CRYBG1: variants seen among roughly 807,000 people sequenced by gnomAD.
CRYBG1 encodes crystallin beta-gamma domain containing 1.
CRYBG1 carries 139 observed loss-of-function variants against 189.2 expected under a neutral mutation model. That is an observed-to-expected ratio of 0.73 (90% confidence interval 0.64 to 0.85). The LOEUF (loss-of-function observed/expected upper bound fraction) is 0.85. Ranked by LOEUF, CRYBG1 falls within the 40% of genes least tolerant of loss-of-function variation. The pLI is 0.00. For synonymous variants in CRYBG1, 1,023 were observed against 1,017.1 expected (o/e 1.01, Z -0.11); for missense variants, 2,611 against 2,675.8 (o/e 0.98, Z 0.53).
intron 8 of CRYBG1, among the ~76,000 whole-genome samples, chr6:106,530,884 G>A (rs887818479): frequency 6.6e-6 from 1 of 152,126 alleles, no homozygotes; most frequent in Non-Finnish European, 1.5e-5. Context: ...AAAGCCCCAA[G>A]GCATGTGAAA....
At chr6:106,489,803 A>AG (rs1344333385) in intron 2 of CRYBG1, among the ~76,000 whole-genome samples, 19 of 150,964 alleles carry the variant, frequency 1.3e-4, no homozygotes, top group African/African-American at 4.4e-4. Context: ...AAAAAAAAAA[A>AG]AAAAGAAAGA....
intron 1 of CRYBG1, among the ~76,000 whole-genome samples, chr6:106,393,382 G>T (rs550678760): frequency 4.2e-4 from 63 of 150,306 alleles, no homozygotes; most frequent in African/African-American, 1.4e-3. Flanking sequence ...ATCGTTAAAG[G>T]GTTGTAACGC....
chr6:106,385,078 AG>A (rs2114325785), intron 1 of CRYBG1, among the ~76,000 whole-genome samples: 1 of 152,274 alleles, frequency 6.6e-6, no homozygotes, highest in African/African-American at 2.4e-5. Flanking sequence ...CACACAAGTA[AG>A]CAAGTTTTGC....
At chr6:106,449,296 T>C (rs1771731964) in intron 1 of CRYBG1, 1 of 152,228 alleles carries the variant, frequency 6.6e-6, no homozygotes, top group African/African-American at 2.4e-5. Context: ...AATGGGCACA[T>C]ATGTTTTTCC....
chr6:106,561,246 C>T, intron 19 of CRYBG1, 96 bp from the exon 20 acceptor site: 1 of 1,317,658 alleles, frequency 7.6e-7, no homozygotes, highest in South Asian at 1.4e-5. Context: ...TACCCTTAAT[C>T]CATATCTCAC....
chr6:106,396,696 T>C (rs1055899218), intron 1 of CRYBG1, among the ~76,000 whole-genome samples: 17 of 152,194 alleles, frequency 1.1e-4, no homozygotes, highest in African/African-American at 3.6e-4. Flanking sequence ...TATTGAAACA[T>C]AGAAATTTGG....
At chr6:106,400,629 G>A (rs1397778708) in intron 1 of CRYBG1, among the ~76,000 whole-genome samples, 1 of 152,108 alleles carries the variant, frequency 6.6e-6, no homozygotes, top group Non-Finnish European at 1.5e-5. Context: ...AATCTTCATA[G>A]TATACAGAAT....
chr6:106,569,544 C>A lies in CRYBG1; in HGVS notation c.*978C>A, dbSNP rs377220139. On this transcript the variant is annotated 3_prime_UTR_variant, in exon 22 of 22. Transcript: ENST00000633556. ...AGCCAGGATTTGAATTATTTTAACT[C>A]ATCCATGGGCTGCCCTAGAATGTCA... is the stretch of plus-strand genomic sequence containing the variant. 5 of 152,186 alleles carry A rather than the reference C, an allele frequency of 3.3e-5. No homozygotes were observed. The highest frequency in any genetic ancestry group is 1.2e-4 in the African/African-American group (5 of 41,452). The allele number at this position is 152,186 out of a possible 1,614,324, so 9.4% of individuals were successfully genotyped here.
At position 106,483,401 on chromosome 6, in the gene CRYBG1, T is replaced by TATATATA; in HGVS notation, c.313-28028_313-28027insTATATAA. Among the ~76,000 whole-genome samples, 12 of 95,660 alleles carry TATATATA rather than the reference T, an allele frequency of 1.3e-4. 1 individual carries two copies. In the East Asian group the frequency reaches 2.7e-3, roughly 21 times the overall value. 62.8% of individuals were successfully genotyped at this position (95,660 alleles called of 152,430 possible). A position where few individuals can be genotyped will look rare whatever the true frequency, so the allele number is the denominator to read the frequency against. Reference sequence around the variant, plus strand: ...GTGTATATATATATAGATATATATATAAAACATTTTCTTTATCTACTTATT... The same window carrying TATATATA: ...GTGTATATATATATAGATATATATATATATATAAAAACATTTTCTTTATCTACTTATT... On this transcript the variant is annotated intron_variant, in intron 2 of 21. Transcript: ENST00000633556.
At chr6:106,515,320 A>G (rs377753158) in intron 3 of CRYBG1, among the ~76,000 whole-genome samples, 1 of 152,366 alleles carries the variant, frequency 6.6e-6, no homozygotes, top group East Asian at 1.9e-4. Flanking sequence ...GGTTAATTGT[A>G]GTAACTCTTG....
chr6:106,475,783 C>T (rs1352200049), intron 2 of CRYBG1, among the ~76,000 whole-genome samples: 1 of 152,180 alleles, frequency 6.6e-6, no homozygotes, highest in Admixed American at 6.5e-5. Flanking sequence ...TTTAGATGAA[C>T]TGGCAGAGGG....
intron 1 of CRYBG1, among the ~76,000 whole-genome samples, chr6:106,379,599 A>G (rs1770247815): frequency 6.6e-6 from 1 of 151,704 alleles, no homozygotes; most frequent in Non-Finnish European, 1.5e-5. Context: ...TTGCTCTGTC[A>G]TCCCGGCTGA....
intron 1 of CRYBG1, among the ~76,000 whole-genome samples, chr6:106,395,485 A>T (rs895024279): frequency 1.8e-4 from 27 of 152,104 alleles, no homozygotes; most frequent in African/African-American, 6.3e-4. Flanking sequence ...TTTTTCAAAT[A>T]AATATGTATG....
chr6:106,377,483 C>T (rs1204475382), intron 1 of CRYBG1, among the ~76,000 whole-genome samples: 1 of 151,940 alleles, frequency 6.6e-6, no homozygotes, highest in Non-Finnish European at 1.5e-5. Context: ...ACTTCACAGG[C>T]CTTTTAAATC....
chr6:106,422,106 T>G (rs1389616631), intron 1 of CRYBG1, among the ~76,000 whole-genome samples: 1 of 152,138 alleles, frequency 6.6e-6, no homozygotes, highest in Admixed American at 6.5e-5. Context: ...TCTTTCAGTG[T>G]TCTGGGCCTT....
chr6:106,362,368 A>G (rs1771895823), intron 1 of CRYBG1, among the ~76,000 whole-genome samples: 1 of 152,228 alleles, frequency 6.6e-6, no homozygotes, highest in East Asian at 1.9e-4. Context: ...GATATAAAAA[A>G]CAATGAGAGA....
At position 106,452,291 on chromosome 6, in the gene CRYBG1, C is replaced by T. The variant is rs538280662; in HGVS notation, c.312+459C>T. ...CAAAAAAATTAGCTGGGTGTGGTGACGGGCACCTGTAATCCCATGTATTCA... is the reference window on the plus strand; with the variant it reads ...CAAAAAAATTAGCTGGGTGTGGTGATGGGCACCTGTAATCCCATGTATTCA... On this transcript the variant is annotated intron_variant, in intron 2 of 21. Coordinates refer to ENST00000633556, the MANE Select transcript of CRYBG1 (RefSeq NM_001371242.2). 2.4e-3 allele frequency among the ~76,000 whole-genome samples: 349 copies of T among 147,622 alleles called. 2 individuals carry two copies. The highest frequency in any genetic ancestry group is 3.6e-3 in the Middle Eastern group (1 of 280).
chr6:106,436,854 T>C (rs1000785111), intron 1 of CRYBG1, among the ~76,000 whole-genome samples: 1 of 152,088 alleles, frequency 6.6e-6, no homozygotes, highest in Non-Finnish European at 1.5e-5. Context: ...GCATTTTAAG[T>C]CTCTTGATAA....
intron 1 of CRYBG1, among the ~76,000 whole-genome samples, chr6:106,433,825 A>T (rs1771399237): frequency 2.0e-5 from 3 of 148,716 alleles, no homozygotes; most frequent in African/African-American, 7.4e-5. Flanking sequence ...AAATATATAT[A>T]TGCAGTAGTA....
Sources: allele counts gnomAD v4.1 joint callset (sites outside exome capture counted in the v4.1 genomes callset), GRCh38; gene constraint gnomAD v4.1.1; transcripts MANE v1.5; gene names NCBI Gene and HGNC (gene_info 2026-07-23, HGNC 2026-07-21).